Variants in ASIC2 observed in about 807,000 individuals in gnomAD.
ASIC2 encodes acid sensing ion channel subunit 2, also known as acid-sensing ion channel 2.
Under a neutral mutation model 57.3 loss-of-function variants are expected in ASIC2, and 25 were observed. The observed-to-expected ratio is 0.44, with a 90% CI of 0.32 to 0.61. The LOEUF (loss-of-function observed/expected upper bound fraction) is 0.61. Ranked by LOEUF, ASIC2 falls within the 20% of genes least tolerant of loss-of-function variation. The pLI is 0.06. For missense variants in ASIC2, 641 were observed against 738.1 expected (o/e 0.87, Z 1.52); for synonymous variants, 319 against 307.5 (o/e 1.04, Z -0.39).
At chr17:33,619,545 G>T (rs1278295247) in intron 1 of ASIC2, among the ~76,000 whole-genome samples, 1 of 152,162 alleles carries the variant, frequency 6.6e-6, no homozygotes, top group Non-Finnish European at 1.5e-5. Context: ...AGTAAGAAAT[G>T]AAAGCAAGCA....
At chr17:33,155,345 T>C (rs1347604106) in intron 1 of ASIC2, among the ~76,000 whole-genome samples, 2 of 152,202 alleles carry the variant, frequency 1.3e-5, no homozygotes, top group Non-Finnish European at 2.9e-5. Context: ...GCTCCACAGG[T>C]GTCTGCGCAT....
intron 1 of ASIC2, among the ~76,000 whole-genome samples, chr17:34,145,931 G>A (rs1447082605): frequency 1.3e-5 from 2 of 152,212 alleles, no homozygotes; most frequent in Non-Finnish European, 2.9e-5. Flanking sequence ...AGAAATGGAA[G>A]TGAAGGCTGG....
chr17:33,261,007 C>G (rs1025628923), intron 1 of ASIC2, among the ~76,000 whole-genome samples: 2 of 152,226 alleles, frequency 1.3e-5, no homozygotes, highest in Non-Finnish European at 2.9e-5. Flanking sequence ...TTGCCCTAAT[C>G]CAGCTGCAGA....
At chr17:33,476,510 T>TGC (rs1451106159) in intron 1 of ASIC2, among the ~76,000 whole-genome samples, 24 of 19,382 alleles carry the variant, frequency 1.2e-3, no homozygotes, top group South Asian at 6.3e-3. Context: ...TGTGCATATA[T>TGC]ATATATATAT....
At chr17:33,663,112 C>T (rs1179171432) in intron 1 of ASIC2, among the ~76,000 whole-genome samples, 2 of 152,146 alleles carry the variant, frequency 1.3e-5, no homozygotes, top group Admixed American at 6.5e-5. Context: ...CTCAGGTTCA[C>T]GATCTCATTT....
chr17:33,739,147 G>A (rs1910017637), intron 1 of ASIC2, among the ~76,000 whole-genome samples: 1 of 152,218 alleles, frequency 6.6e-6, no homozygotes, highest in South Asian at 2.1e-4. Context: ...GAACCAGGGT[G>A]CTCAAAATGT....
chr17:33,081,498 C>T (rs915745884), intron 3 of ASIC2, among the ~76,000 whole-genome samples: 20 of 151,958 alleles, frequency 1.3e-4, no homozygotes, highest in East Asian at 3.9e-4. Context: ...CATATTTATG[C>T]GGCTCCATCT....
intron 1 of ASIC2, among the ~76,000 whole-genome samples, chr17:34,049,294 A>AAAAC (rs746179493): frequency 1.7e-4 from 26 of 152,178 alleles, no homozygotes; most frequent in South Asian, 8.3e-4. Context: ...ACCCTGTCTC[A>AAAAC]AAACAAACAA....
chr17:33,598,929 C>A (rs924665574), intron 1 of ASIC2, among the ~76,000 whole-genome samples: 27 of 152,184 alleles, frequency 1.8e-4, no homozygotes, highest in Non-Finnish European at 2.8e-4. Flanking sequence ...ATAGGGTATG[C>A]AGGAATGTGT....
At chr17:33,127,022 C>T (rs375148764) in intron 1 of ASIC2, among the ~76,000 whole-genome samples, 8 of 150,626 alleles carry the variant, frequency 5.3e-5, no homozygotes, top group South Asian at 2.2e-4. Context: ...CGCCCGCCAC[C>T]GCGCCCGGCT....
chr17:33,725,411 G>C (rs1055230095), intron 1 of ASIC2, among the ~76,000 whole-genome samples: 30 of 152,210 alleles, frequency 2.0e-4, no homozygotes, highest in African/African-American at 7.0e-4. Flanking sequence ...CACTCACGGG[G>C]AGGCAGGCAG....
intron 1 of ASIC2, among the ~76,000 whole-genome samples, chr17:34,055,544 TAATC>T (rs1908735073): frequency 6.6e-6 from 1 of 152,232 alleles, no homozygotes; most frequent in Non-Finnish European, 1.5e-5. Context: ...TGTTTCCTCT[TAATC>T]AATCCCTACC....
At chr17:33,272,567 C>T (rs906256458) in intron 1 of ASIC2, among the ~76,000 whole-genome samples, 1 of 152,144 alleles carries the variant, frequency 6.6e-6, no homozygotes, top group Non-Finnish European at 1.5e-5. Context: ...ATGAGCCCTG[C>T]CCTGCACATG....
At chr17:34,085,948 G>A (rs1263037270) in intron 1 of ASIC2, among the ~76,000 whole-genome samples, 1 of 151,558 alleles carries the variant, frequency 6.6e-6, no homozygotes, top group Non-Finnish European at 1.5e-5. Flanking sequence ...TATTAGTCTT[G>A]CTAGTGGTCT....
chr17:34,010,104 G>A (rs1057322180), intron 1 of ASIC2, among the ~76,000 whole-genome samples: 8 of 152,162 alleles, frequency 5.3e-5, no homozygotes, highest in Non-Finnish European at 8.8e-5. Context: ...GAGGCTCCAC[G>A]TATCTGGTTT....
intron 3 of ASIC2, among the ~76,000 whole-genome samples, chr17:33,083,447 A>G (rs1474719072): frequency 6.6e-6 from 1 of 152,204 alleles, no homozygotes; most frequent in Non-Finnish European, 1.5e-5. Flanking sequence ...GCTTATCTTA[A>G]TTTTTCCAGC....
chr17:33,246,121 T>A (rs899987733), intron 1 of ASIC2, among the ~76,000 whole-genome samples: 6 of 151,544 alleles, frequency 4.0e-5, no homozygotes, highest in Admixed American at 3.9e-4. Context: ...AGGTGTACCA[T>A]CCAGGCAAGA....
intron 1 of ASIC2, among the ~76,000 whole-genome samples, chr17:33,901,773 T>C (rs1372179825): frequency 2.0e-5 from 3 of 152,174 alleles, no homozygotes; most frequent in African/African-American, 7.2e-5. Context: ...ATTGATCTGG[T>C]TTCCAGGACT....
intron 1 of ASIC2, among the ~76,000 whole-genome samples, chr17:33,596,994 G>C (rs1256757563): frequency 6.6e-6 from 1 of 152,218 alleles, no homozygotes; most frequent in East Asian, 1.9e-4. Context: ...CACAGCTGGT[G>C]CTCTACAAAC....
Sources: gnomAD v4.1 joint callset for allele counts (sites outside exome capture counted in the v4.1 genomes callset) on GRCh38, gnomAD v4.1.1 for gene constraint, MANE v1.5 for transcripts, NCBI Gene and HGNC (gene_info 2026-07-23, HGNC 2026-07-21) for gene names.